CSGALNACT1: variants seen among roughly 807,000 people sequenced by gnomAD.
CSGALNACT1 encodes beta4GalNAcT-1.
Under a neutral mutation model 51.0 loss-of-function variants are expected in CSGALNACT1, and 52 were observed. That is an observed-to-expected ratio of 1.02 (90% CI 0.82 to 1.29). The LOEUF is 1.29. Ranked by LOEUF, CSGALNACT1 falls within the 50% of genes most tolerant of loss-of-function variation. The probability of loss-of-function intolerance (pLI) is 0.00; values close to 1 mark genes in which losing one functional copy is unlikely to be tolerated. For missense variants in CSGALNACT1, 935 were observed against 679.2 expected, an observed-to-expected ratio of 1.38 and a Z score of -4.19; for synonymous variants, 341 against 254.4, an observed-to-expected ratio of 1.34 and a Z score of -3.24.
chr8:19,561,912 G>T (rs2040818626), intron 3 of CSGALNACT1, among the ~76,000 whole-genome samples: 1 of 152,056 alleles, frequency 6.6e-6, no homozygotes. Context: ...GGGAGGGATT[G>T]CTATTTCAGC....
rs570843494 is a variant in CSGALNACT1, at chr8:19,533,506, A to C, written c.-296-27376T>G. ...TACTCTTCCAAGACTTATCAATATC[A>C]AATGGTTCATGAAGATTTTCTTCGC... is the stretch of plus-strand genomic sequence containing the variant. On this transcript the variant is annotated intron_variant, in intron 3 of 9. Transcript: ENST00000454498. Among the ~76,000 whole-genome samples, 1,011 of 152,292 alleles carry C rather than the reference A, an allele frequency of 6.6e-3. 10 individuals carry two copies. Among genetic ancestry groups the C allele is most frequent in the Middle Eastern group, 0.01 (3 of 294 alleles).
At chr8:19,515,637 G>A (rs1405701791) in intron 3 of CSGALNACT1, among the ~76,000 whole-genome samples, 1 of 152,144 alleles carries the variant, frequency 6.6e-6, no homozygotes, top group South Asian at 2.1e-4. Flanking sequence ...AAAAGAAGCT[G>A]GCACCTGCTA....
chr8:19,652,306 T>C (rs2057885772), intron 1 of CSGALNACT1, among the ~76,000 whole-genome samples: 1 of 152,132 alleles, frequency 6.6e-6, no homozygotes, highest in Non-Finnish European at 1.5e-5. Flanking sequence ...TAATAATAAC[T>C]TTCCTTAAGG....
At chr8:19,652,814 T>A (rs2057932627) in intron 1 of CSGALNACT1, among the ~76,000 whole-genome samples, 1 of 152,096 alleles carries the variant, frequency 6.6e-6, no homozygotes, top group Non-Finnish European at 1.5e-5. Context: ...ATACTTGACT[T>A]CTCCGCAGCA....
intron 2 of CSGALNACT1, among the ~76,000 whole-genome samples, chr8:19,597,160 AG>A: frequency 6.6e-6 from 1 of 152,090 alleles, no homozygotes; most frequent in Non-Finnish European, 1.5e-5. Flanking sequence ...ATATTTTAGT[AG>A]GTGTCAGAAT....
At chr8:19,457,931 T>C (rs945346453) in intron 5 of CSGALNACT1, 9 of 655,838 alleles carry the variant, frequency 1.4e-5, no homozygotes, top group Middle Eastern at 3.0e-4. Context: ...CAATAAAAGA[T>C]AGATTTGGAT....
intron 3 of CSGALNACT1, among the ~76,000 whole-genome samples, chr8:19,551,810 G>A (rs2088185983): frequency 6.6e-6 from 1 of 152,032 alleles, no homozygotes; most frequent in African/African-American, 2.4e-5. Flanking sequence ...TTGTCCCTAG[G>A]AATTTATATC....
intron 1 of CSGALNACT1, among the ~76,000 whole-genome samples, chr8:19,635,670 C>T (rs2055944998): frequency 6.6e-6 from 1 of 152,148 alleles, no homozygotes. Context: ...GGCAGAGGGA[C>T]ACAGTTGTGA....
Position 19,612,383 on chromosome 8 carries a change from G to A in CSGALNACT1, c.-543-10518C>T, listed in dbSNP as rs573754184. Among the ~76,000 whole-genome samples the A allele has an allele frequency of 9.9e-5, 15 of 150,848 alleles. No individual in the cohort carries two copies. The South Asian group carries it at 1.5e-3, about 15-fold the overall frequency. ...TTGAAAAAAAAAATTCTCCATGAAC[G>A]TAATACATTTCAGATACACAGTGTT... On this transcript the variant is annotated intron_variant, in intron 1 of 9. Coordinates refer to the CSGALNACT1 transcript ENST00000332246.
intron 1 of CSGALNACT1, among the ~76,000 whole-genome samples, chr8:19,638,938 A>G (rs1044520977): frequency 7.2e-5 from 11 of 151,908 alleles, no homozygotes; most frequent in African/African-American, 2.7e-4. Flanking sequence ...CACATACATA[A>G]TTTGCAAAAG....
At chr8:19,507,878 C>T (rs113074138) in intron 3 of CSGALNACT1, among the ~76,000 whole-genome samples, 3 of 152,328 alleles carry the variant, frequency 2.0e-5, no homozygotes, top group African/African-American at 4.8e-5. Flanking sequence ...CCGCCCGCCT[C>T]GGCCTCCCAA....
intron 3 of CSGALNACT1, among the ~76,000 whole-genome samples, chr8:19,569,569 G>A (rs1478905895): frequency 6.6e-6 from 1 of 151,800 alleles, no homozygotes; most frequent in Non-Finnish European, 1.5e-5. Flanking sequence ...TTAGCATTAC[G>A]AGTTGGTTGT....
chr8:19,611,613 G>A (rs1451110151), intron 1 of CSGALNACT1, among the ~76,000 whole-genome samples: 1 of 152,196 alleles, frequency 6.6e-6, no homozygotes, highest in Non-Finnish European at 1.5e-5. Context: ...ACAAACCCAG[G>A]TGGTCTGAAT....
At chr8:19,684,808 C>A (rs1158256302), upstream of CSGALNACT1, among the ~76,000 whole-genome samples, 1 of 152,230 alleles carries the variant, frequency 6.6e-6, no homozygotes. Flanking sequence ...GAACGTGAAT[C>A]TCCAAAGTGT....
At chr8:19,425,684 T>C (rs1343448703) in intron 6 of CSGALNACT1, among the ~76,000 whole-genome samples, 1 of 152,200 alleles carries the variant, frequency 6.6e-6, no homozygotes, top group East Asian at 1.9e-4. Flanking sequence ...CTGTGGTTTG[T>C]GATTTTCCTA....
At chr8:19,734,932 G>C (rs776318646) in intron 1 of CSGALNACT1, among the ~76,000 whole-genome samples, 1 of 152,012 alleles carries the variant, frequency 6.6e-6, no homozygotes, top group South Asian at 2.1e-4. Flanking sequence ...AAAACTGTCA[G>C]AGCCCTGAAA....
At chr8:19,426,504 C>A (rs4549789) in intron 6 of CSGALNACT1, among the ~76,000 whole-genome samples, 71,074 of 152,094 alleles carry the variant, frequency 0.47, 18,066 homozygotes, top group East Asian at 0.82. Flanking sequence ...GCATTTATTA[C>A]GGTAGGATGG....
rs576668922 is a variant in CSGALNACT1, at chr8:19,731,539, C to T, written c.-297+26311G>A. Among the ~76,000 whole-genome samples, 6 of 152,176 alleles carry T rather than the reference C, an allele frequency of 3.9e-5. No individual in the cohort carries two copies. In the South Asian group the frequency reaches 1.0e-3, roughly 26 times the overall value. On this transcript the variant is annotated intron_variant, in intron 1 of 1. Transcript: ENST00000517494. The stretch of plus-strand genomic sequence containing the variant: ...AAATAAATATGGCTGTTTACTGACA[C>T]ATCATCTTACAAACTAACACCTGAG...
At chr8:19,422,534 T>C (rs777512203) in intron 6 of CSGALNACT1, among the ~76,000 whole-genome samples, 8 of 152,214 alleles carry the variant, frequency 5.3e-5, no homozygotes, top group Non-Finnish European at 8.8e-5. Flanking sequence ...CACTCTACAT[T>C]TGCAGGGATT....
Sources: allele counts gnomAD v4.1 joint callset (sites outside exome capture counted in the v4.1 genomes callset), GRCh38; gene constraint gnomAD v4.1.1; transcripts MANE v1.5; gene names NCBI Gene and HGNC (gene_info 2026-07-23, HGNC 2026-07-21).